CRB1: variants seen among roughly 807,000 people sequenced by gnomAD.
CRB1 encodes the protein crumbs cell polarity complex component 1.
Under a neutral mutation model 120.0 loss-of-function variants are expected in CRB1, and 83 were observed. The observed-to-expected ratio is 0.69, with a 90% CI of 0.58 to 0.83. The LOEUF (loss-of-function observed/expected upper bound fraction) is 0.83. Ranked by LOEUF, CRB1 falls within the 40% of genes least tolerant of loss-of-function variation. CRB1 has a pLI of 0.00. For synonymous variants in CRB1, 625 were observed against 612.5 expected (o/e 1.02, Z -0.30); for missense variants, 1,699 against 1,687.6 (o/e 1.01, Z -0.12).
At position 197,476,362 on chromosome 1, in the gene CRB1, T is replaced by G. The variant is rs539175912; in HGVS notation, c.4006-1302T>G. Reference sequence around the variant, plus strand: ...CCTATCTGTAATGTATTATGATTATTTGTGTGTGTGTGTGTGTGTGTGTGT... The same window carrying G: ...CCTATCTGTAATGTATTATGATTATGTGTGTGTGTGTGTGTGTGTGTGTGT... On this transcript the variant is annotated intron_variant, in intron 11 of 11. Coordinates refer to ENST00000367400, the MANE Select transcript of CRB1 (RefSeq NM_201253.3). 6.2e-3 allele frequency among the ~76,000 whole-genome samples: 871 copies of G among 140,556 alleles called. 12 individuals are homozygous for G. Among genetic ancestry groups the G allele is most frequent in the African/African-American group, 0.022 (843 of 39,120 alleles). The allele number at this position is 140,556 out of a possible 152,430, so 92.2% of individuals were successfully genotyped here. A position where few individuals can be genotyped will look rare whatever the true frequency, so the allele number is the denominator to read the frequency against.
chr1:197,222,617 G>A, the CRB1 span: 1 of 772,998 alleles, frequency 1.3e-6, no homozygotes, highest in Non-Finnish European at 2.4e-6. Flanking sequence ...GAGTGTATTT[G>A]GTAGGGAAGG....
the CRB1 span, among the ~76,000 whole-genome samples, chr1:197,255,974 T>TATAC: frequency 4.1e-5 from 5 of 122,876 alleles, no homozygotes; most frequent in African/African-American, 6.5e-5. Flanking sequence ...TTTATATATA[T>TATAC]ATATATATAT....
At chr1:197,331,785 C>A (rs1658869544) in intron 2 of CRB1, among the ~76,000 whole-genome samples, 1 of 152,114 alleles carries the variant, frequency 6.6e-6, no homozygotes, top group South Asian at 2.1e-4. Flanking sequence ...AAAAACACAG[C>A]TTGCAAAACT....
Position 197,293,692 on chromosome 1 carries a change from A to G in CRB1, c.70+25210A>G, listed in dbSNP as rs919398307. Reference sequence around the variant, plus strand: ...ACAAGCCTACAGTAACCAAAACAGCATGGTACTGGTTCCAAAACAGAGATA... The same window carrying G: ...ACAAGCCTACAGTAACCAAAACAGCGTGGTACTGGTTCCAAAACAGAGATA... On this transcript the variant is annotated intron_variant, in intron 1 of 11. Transcript: ENST00000367400. 3.1e-4 allele frequency among the ~76,000 whole-genome samples: 47 copies of G among 152,268 alleles called. 1 individual carries two copies. Among genetic ancestry groups the G allele is most frequent in the South Asian group, 4.1e-4 (2 of 4,826 alleles).
chr1:197,373,486 T>C (rs540355896), intron 5 of CRB1, among the ~76,000 whole-genome samples: 1 of 152,132 alleles, frequency 6.6e-6, no homozygotes, highest in Non-Finnish European at 1.5e-5. Context: ...TCATAAATGG[T>C]CAAGGCATAA....
At chr1:197,401,596 T>C (rs1663066606) in intron 5 of CRB1, among the ~76,000 whole-genome samples, 1 of 152,210 alleles carries the variant, frequency 6.6e-6, no homozygotes, top group Admixed American at 6.5e-5. Context: ...TTTTGCAAAA[T>C]GATTTAGCCA....
intron 1 of CRB1, among the ~76,000 whole-genome samples, chr1:197,291,844 A>G (rs1212033625): frequency 6.6e-6 from 1 of 151,940 alleles, no homozygotes; most frequent in Non-Finnish European, 1.5e-5. Context: ...TTCTCCAGGA[A>G]GGCTTGCATT....
the CRB1 span, among the ~76,000 whole-genome samples, chr1:197,234,791 C>T: frequency 1.4e-4 from 21 of 152,336 alleles, no homozygotes; most frequent in Admixed American, 4.6e-4. Context: ...TACTGCTGCT[C>T]CTAGAAGTCC....
At chr1:197,216,082 G>A in the CRB1 span, among the ~76,000 whole-genome samples, 20 of 152,162 alleles carry the variant, frequency 1.3e-4, 1 homozygote, top group East Asian at 3.7e-3. Flanking sequence ...CCTCCCATCT[G>A]GCCTTCTGAA....
At chr1:197,376,853 C>T (rs191506113) in intron 5 of CRB1, among the ~76,000 whole-genome samples, 2 of 152,114 alleles carry the variant, frequency 1.3e-5, no homozygotes, top group South Asian at 4.1e-4. Context: ...TCTTGGAAGC[C>T]CTTGTGTGAT....
At chr1:197,341,072 C>T (rs1402859785) in intron 2 of CRB1, among the ~76,000 whole-genome samples, 1 of 152,064 alleles carries the variant, frequency 6.6e-6, no homozygotes, top group Non-Finnish European at 1.5e-5. Flanking sequence ...ACAAGAACAG[C>T]ACAGGAAAGA....
At chr1:197,211,537 C>T in the CRB1 span, among the ~76,000 whole-genome samples, 2 of 152,166 alleles carry the variant, frequency 1.3e-5, no homozygotes, top group Non-Finnish European at 2.9e-5. Flanking sequence ...ACTGTGTGCT[C>T]ATGTGGCAGA....
intron 1 of CRB1, among the ~76,000 whole-genome samples, chr1:197,271,813 C>A (rs1366943883): frequency 9.3e-6 from 1 of 107,166 alleles, no homozygotes; most frequent in African/African-American, 2.9e-5. Flanking sequence ...GTCTATCTCT[C>A]TAGTCCTTTA....
Position 197,435,148 on chromosome 1 carries a change from G to A in CRB1, c.3285G>A (p.Gly1095=), listed in dbSNP as rs1030214290. Reference sequence around the variant, plus strand: ...TTGACAATATAAAGGGCCTGCAAGGGTGTCTAAGTACAATAGAAATCGGAG... The same window carrying A: ...TTGACAATATAAAGGGCCTGCAAGGATGTCTAAGTACAATAGAAATCGGAG... ...RAIDNIKGLQ[G]CLSTIEIGGI... is the part of the protein sequence containing the mutation. Residue 1095 remains glycine (G), a synonymous_variant, in exon 9 of 12, where the codon GGG becomes GGA. Transcript: ENST00000367400. 1 of 1,613,898 alleles carries A rather than the reference G, an allele frequency of 6.2e-7. No individual in the cohort carries two copies. The highest frequency in any genetic ancestry group is 8.5e-7 in the Non-Finnish European group (1 of 1,179,842).
At chr1:197,217,024 A>C in the CRB1 span, among the ~76,000 whole-genome samples, 2 of 152,038 alleles carry the variant, frequency 1.3e-5, no homozygotes, top group Non-Finnish European at 2.9e-5. Flanking sequence ...TATATAAAGA[A>C]CTCTTACAAA....
intron 1 of CRB1, among the ~76,000 whole-genome samples, chr1:197,306,523 T>C (rs1394376718): frequency 1.3e-5 from 2 of 152,084 alleles, no homozygotes; most frequent in Non-Finnish European, 2.9e-5. Flanking sequence ...ATGGAATATA[T>C]ACTCAGAGGC....
At chr1:197,213,265 G>A in the CRB1 span, among the ~76,000 whole-genome samples, 1 of 152,176 alleles carries the variant, frequency 6.6e-6, no homozygotes, top group Non-Finnish European at 1.5e-5. Flanking sequence ...TAAACAGAAC[G>A]TCTGTTCTGA....
chr1:197,452,480 G>C (rs895512098), intron 11 of CRB1, among the ~76,000 whole-genome samples: 1 of 152,162 alleles, frequency 6.6e-6, no homozygotes, highest in African/African-American at 2.4e-5. Context: ...AGTCTGGCTT[G>C]ATTTCGTGAT....
intron 11 of CRB1, among the ~76,000 whole-genome samples, chr1:197,475,020 C>T (rs544356429): frequency 6.6e-6 from 1 of 152,112 alleles, no homozygotes. Flanking sequence ...CATGGCCACA[C>T]AGTATGGATG....
Sources: gnomAD v4.1 joint callset for allele counts (sites outside exome capture counted in the v4.1 genomes callset) on GRCh38, gnomAD v4.1.1 for gene constraint, MANE v1.5 for transcripts, NCBI Gene and HGNC (gene_info 2026-07-23, HGNC 2026-07-21) for gene names.